The following TBX15 variants were observed in gnomAD, a reference collection of about 807,000 sequenced individuals.
TBX15 encodes the protein T-box transcription factor 15.
A neutral mutation model predicts 53.9 loss-of-function variants in TBX15; 18 were observed. That is an observed-to-expected ratio of 0.33 (90% confidence interval 0.23 to 0.49). The LOEUF is 0.49. Ranked by LOEUF, TBX15 falls within the 20% of genes least tolerant of loss-of-function variation. TBX15 has a pLI of 0.98. For missense variants in TBX15, 692 were observed against 749.5 expected (o/e 0.92, Z 0.90); for synonymous variants, 295 against 278.0 (o/e 1.06, Z -0.61).
chr1:118,983,204 C>T (rs992257278), intron 1 of TBX15, among the ~76,000 whole-genome samples: 4 of 152,126 alleles, frequency 2.6e-5, no homozygotes, highest in African/African-American at 9.7e-5. Context: ...AGATGCAAAC[C>T]ATAGCACATT....
At chr1:118,887,506 C>T (rs1571144527) in intron 7 of TBX15, among the ~76,000 whole-genome samples, 1 of 152,128 alleles carries the variant, frequency 6.6e-6, no homozygotes, top group Non-Finnish European at 1.5e-5. Context: ...GAAACCCCGT[C>T]TCTACTAAAA....
intron 1 of TBX15, among the ~76,000 whole-genome samples, chr1:118,981,631 T>C (rs780816732): frequency 7.9e-5 from 12 of 152,332 alleles, no homozygotes; most frequent in Admixed American, 5.2e-4. Flanking sequence ...AGTGAAGCCA[T>C]TAGTGGCACT....
chr1:118,925,945 C>T (rs1655582350), intron 3 of TBX15, among the ~76,000 whole-genome samples: 1 of 151,940 alleles, frequency 6.6e-6, no homozygotes, highest in African/African-American at 2.4e-5. Flanking sequence ...TATAAGCCAT[C>T]CAAGAGACAT....
In TBX15 at chr1:118,917,494, G is replaced by A. The variant is rs187419368; in HGVS notation, c.862-3315C>T. 8.4e-4 allele frequency among the ~76,000 whole-genome samples: 128 copies of A among 152,238 alleles called. 4 individuals carry two copies. The highest frequency in any genetic ancestry group is 7.6e-4 in the Non-Finnish European group (52 of 68,024). On this transcript the variant is annotated intron_variant, in intron 5 of 7. Coordinates refer to ENST00000369429, the MANE Select transcript of TBX15 (RefSeq NM_001330677.2). The stretch of plus-strand genomic sequence containing the variant: ...TAATACCTAGGTGATGGGTTGATAG[G>A]TGCAGCACACTACCATGGCACACAT...
intron 6 of TBX15, among the ~76,000 whole-genome samples, chr1:118,901,554 T>C (rs997240754): frequency 6.6e-6 from 1 of 152,210 alleles, no homozygotes; most frequent in African/African-American, 2.4e-5. Context: ...CAGTTAACTC[T>C]ATATAGAATA....
intron 1 of TBX15, among the ~76,000 whole-genome samples, chr1:118,952,991 A>G (rs1042031327): frequency 3.4e-4 from 52 of 152,156 alleles, no homozygotes; most frequent in Non-Finnish European, 2.2e-4. Context: ...ATAGGAAAAG[A>G]TGGCTGGAGG....
chr1:118,987,998 C>G lies in TBX15; in HGVS notation c.-203G>C. 1 of 671,230 alleles carries G rather than the reference C, an allele frequency of 1.5e-6. No individual in the cohort carries two copies. The highest frequency in any genetic ancestry group is 2.0e-5 in the South Asian group (1 of 50,904). 41.6% of individuals were successfully genotyped at this position (671,230 alleles called of 1,614,324 possible). On this transcript the variant is annotated 5_prime_UTR_variant, in exon 1 of 8. Transcript: ENST00000369429. ...CTGCCGGATCCGACCTGCGCCCCTA[C>G]GCTGGCCCAGCTGCTAGGAACTAGC...
rs1655118849 is a variant in TBX15 at position 118,914,353 on chromosome 1, TG to T, written c.862-175del. Among the ~76,000 whole-genome samples, 4 of 152,204 alleles carry T rather than the reference TG, an allele frequency of 2.6e-5. No individual in the cohort carries two copies. In the South Asian group the frequency reaches 8.3e-4, roughly 31 times the overall value. On this transcript the variant is annotated intron_variant, in intron 5 of 7. Coordinates refer to ENST00000369429, the MANE Select transcript of TBX15 (RefSeq NM_001330677.2). ...TATAGAACTTGGCCTGGCACACAGA[TG>T]TCTGACCCACCCGACTCACTTCTCT... is the stretch of plus-strand genomic sequence containing the variant.
At chr1:118,934,500 C>G (rs138656058) in intron 1 of TBX15, among the ~76,000 whole-genome samples, 44 of 152,236 alleles carry the variant, frequency 2.9e-4, no homozygotes, top group African/African-American at 1.0e-3. Flanking sequence ...AATCCAAGAC[C>G]TTAAGAAATT....
At chr1:118,937,846 C>T (rs1430808333) in intron 1 of TBX15, among the ~76,000 whole-genome samples, 3 of 152,170 alleles carry the variant, frequency 2.0e-5, no homozygotes, top group Admixed American at 6.6e-5. Flanking sequence ...TCATAAATCA[C>T]AAAGTCTCTA....
At chr1:118,898,549 A>C (rs1654508396) in intron 7 of TBX15, among the ~76,000 whole-genome samples, 1 of 152,136 alleles carries the variant, frequency 6.6e-6, no homozygotes, top group Non-Finnish European at 1.5e-5. Context: ...GAAAGAACAC[A>C]AGTTGCAAGG....
intron 1 of TBX15, among the ~76,000 whole-genome samples, chr1:118,951,209 G>C (rs1005138792): frequency 7.9e-5 from 12 of 152,108 alleles, no homozygotes; most frequent in Non-Finnish European, 1.8e-4. Flanking sequence ...CCAGAGACCA[G>C]AAATGTTCAA....
chr1:118,987,952 T>A lies in TBX15; in HGVS notation c.-157A>T, dbSNP rs887632860. ...CTCGCGGGTCTCTCCACCCTCCCCC[T>A]GCGTCCTCCTCCGCCCTCCTCTGCC... On this transcript the variant is annotated 5_prime_UTR_variant, in exon 1 of 8. Transcript: ENST00000369429. 2 of 859,742 alleles carry A rather than the reference T, an allele frequency of 2.3e-6. No individual in the cohort carries two copies. The highest frequency in any genetic ancestry group is 1.7e-5 in the African/African-American group (1 of 58,734). 53.3% of individuals were successfully genotyped at this position (859,742 alleles called of 1,614,324 possible). A position where few individuals can be genotyped will look rare whatever the true frequency, so the allele number is the denominator to read the frequency against.
At chr1:118,958,995 G>T (rs948704334) in intron 1 of TBX15, among the ~76,000 whole-genome samples, 2 of 149,624 alleles carry the variant, frequency 1.3e-5, no homozygotes, top group African/African-American at 5.0e-5. Flanking sequence ...GGAAGAAAAG[G>T]CCTTAGTGGT....
chr1:118,916,852 C>A (rs1655244963), intron 5 of TBX15, among the ~76,000 whole-genome samples: 1 of 151,344 alleles, frequency 6.6e-6, no homozygotes, highest in Non-Finnish European at 1.5e-5. Context: ...GATGACAGAG[C>A]AAGACTCTGT....
In TBX15 at chr1:118,885,216, C is replaced by T. The variant is rs144291418; in HGVS notation, c.1325G>A (p.Arg442Lys). The T allele has an allele frequency of 6.5e-4, 1,042 of 1,614,134 alleles. 3 individuals are homozygous for T. Among genetic ancestry groups the T allele is most frequent in the Middle Eastern group, 4.9e-3 (30 of 6,062 alleles). ...TATTCCTGAGATCAGGGATGGAGTC[C>T]TCTGAGGCATGAAGGTTTCAGAGGG... ...TQPSETFMPQ[R>K]TPSLISGIPT... Residue 442 changes from arginine (R) to lysine (K), a missense_variant, in exon 8 of 8, where the codon AGG becomes AAG. Arg to Lys is a conservative substitution (Grantham distance 26). Around this residue, in one of 3 missense-constraint regions of TBX15, gnomAD observed 375 missense variants for 371.6 expected, o/e 1.01. Transcript: ENST00000369429.
chr1:118,931,885 C>T (rs907744424), intron 1 of TBX15, 53 bp from the exon 2 acceptor site: 6 of 1,525,216 alleles, frequency 3.9e-6, no homozygotes, highest in Non-Finnish European at 4.4e-6. Context: ...CTCCCCTCAC[C>T]CATGGCCCTA....
At chr1:118,921,140 C>T (rs1435940983) in intron 5 of TBX15, among the ~76,000 whole-genome samples, 1 of 152,070 alleles carries the variant, frequency 6.6e-6, no homozygotes, top group Non-Finnish European at 1.5e-5. Flanking sequence ...GTTCACACCA[C>T]TGAACTCCAG....
chr1:118,894,889 T>C (rs1020203044), intron 7 of TBX15, among the ~76,000 whole-genome samples: 3 of 152,110 alleles, frequency 2.0e-5, no homozygotes, highest in African/African-American at 7.2e-5. Flanking sequence ...AGTGCAGAAT[T>C]AGGATATTGC....
Sources: gnomAD v4.1 joint callset for allele counts (sites outside exome capture counted in the v4.1 genomes callset) on GRCh38, gnomAD v4.1.1 for gene constraint, gnomAD v4.1.1 regional missense constraint, MANE v1.5 for transcripts, NCBI Gene and HGNC (gene_info 2026-07-23, HGNC 2026-07-21) for gene names.